Variants in NENF observed in about 807,000 individuals in gnomAD.
NENF encodes neudesin neurotrophic factor, also known as neudesin.
A neutral mutation model predicts 14.8 loss-of-function variants in NENF; 6 were observed. The ratio of observed to expected loss-of-function variants is 0.40; its 90% confidence interval spans 0.22 to 0.80. NENF has a LOEUF of 0.80. Ranked by LOEUF, NENF falls within the 30% of genes least tolerant of loss-of-function variation. NENF has a pLI of 0.34. For missense variants in NENF, 184 were observed against 212.7 expected, an observed-to-expected ratio of 0.87 and a Z score of 0.84; for synonymous variants, 76 against 95.1, an observed-to-expected ratio of 0.80 and a Z score of 1.17.
In NENF at chr1:212,436,307, C is replaced by CTTTT. The variant is rs71573839; in HGVS notation, c.177+3205_177+3208dup. Among the ~76,000 whole-genome samples, 66 of 112,632 alleles carry CTTTT rather than the reference C, an allele frequency of 5.9e-4. No individual in the cohort carries two copies. In the East Asian group the frequency reaches 7.1e-3, roughly 12 times the overall value. 73.9% of individuals were successfully genotyped at this position (112,632 alleles called of 152,430 possible). A position where few individuals can be genotyped will look rare whatever the true frequency, so the allele number is the denominator to read the frequency against. On this transcript the variant is annotated intron_variant, in intron 1 of 3. Transcript: ENST00000366988. Reference sequence around the variant, plus strand: ...GGAGCAGATGCTGTAGCCCATGGGTCTTTTTTTTTTTTTTTTTTTTTGAGA... The same window carrying CTTTT: ...GGAGCAGATGCTGTAGCCCATGGGTCTTTTTTTTTTTTTTTTTTTTTTTTTGAGA...
At chr1:212,439,414 C>T (rs1454978416) in intron 1 of NENF, among the ~76,000 whole-genome samples, 6 of 151,028 alleles carry the variant, frequency 4.0e-5, no homozygotes, top group Admixed American at 2.0e-4. Context: ...TGGTGGCACA[C>T]GTCTGTAATC....
Position 212,446,103 on chromosome 1 carries a change from AC to A in NENF, c.*100del. ...ACTGGCTGCCTGGAGGCCCTGAGCC[AC>A]CCAGATCTGAATAAAACAGATGCTT... On this transcript the variant is annotated 3_prime_UTR_variant, in exon 4 of 4. Coordinates refer to ENST00000366988, the MANE Select transcript of NENF (RefSeq NM_013349.5). 1 of 1,208,488 alleles carries A rather than the reference AC, an allele frequency of 8.3e-7. No individual in the cohort carries two copies. 74.9% of individuals were successfully genotyped at this position (1,208,488 alleles called of 1,614,324 possible). A position where few individuals can be genotyped will look rare whatever the true frequency, so the allele number is the denominator to read the frequency against.
chr1:212,439,842 C>T (rs1051209943), intron 1 of NENF, among the ~76,000 whole-genome samples: 2 of 146,408 alleles, frequency 1.4e-5, no homozygotes, highest in Admixed American at 6.8e-5. Context: ...CCTGGGCAAC[C>T]GAGCTAGACT....
At chr1:212,437,160 A>C (rs1435621478) in intron 1 of NENF, among the ~76,000 whole-genome samples, 1 of 152,208 alleles carries the variant, frequency 6.6e-6, no homozygotes, top group Admixed American at 6.5e-5. Flanking sequence ...ATAAACTCTG[A>C]AACCTAGACA....
At chr1:212,438,966 C>T (rs576003625) in intron 1 of NENF, among the ~76,000 whole-genome samples, 21 of 152,194 alleles carry the variant, frequency 1.4e-4, no homozygotes, top group African/African-American at 4.6e-4. Context: ...CACCCACCCT[C>T]CACCTTCTCA....
rs1426775385 is a variant in NENF, at chr1:212,433,056, C to A, written c.113C>A (p.Ala38Asp). ...TARAGQTPRPAERGPPVRLFT... is the reference protein window; with the variant it reads ...TARAGQTPRPDERGPPVRLFT... ...CGGGCCGGGCAGACACCGCGCCCTG[C>A]CGAGCGGGGGCCCCCAGTGCGGCTT... The change falls in exon 1 of 4, where the codon GCC (alanine) becomes GAC (aspartate). Residue 38 changes from alanine to aspartate, a missense_variant. Transcript: ENST00000366988. The surrounding 1 kb of genome is among the most constrained non-coding windows in gnomAD (Gnocchi z 5.5). 2.9e-5 allele frequency: 34 copies of A among 1,191,842 alleles called. No individual in the cohort carries two copies. In the South Asian group the frequency reaches 1.1e-3, roughly 38 times the overall value. 73.8% of individuals were successfully genotyped at this position (1,191,842 alleles called of 1,614,324 possible). A position where few individuals can be genotyped will look rare whatever the true frequency, so the allele number is the denominator to read the frequency against.
chr1:212,433,181 G>A lies in NENF; in HGVS notation c.177+61G>A, dbSNP rs1662547721. Reference sequence around the variant, plus strand: ...TGGCGTCCGATCTGCGGCGAGCCGAGCGGGGACCCAGGAGGCGCCGGCGGC... The same window carrying A: ...TGGCGTCCGATCTGCGGCGAGCCGAACGGGGACCCAGGAGGCGCCGGCGGC... On this transcript the variant is annotated intron_variant, in intron 1 of 3. Transcript: ENST00000366988. This position sits in a 1 kb window ranked among gnomAD's most constrained non-coding sequence, Gnocchi z 5.5. 2.8e-6 allele frequency: 3 copies of A among 1,080,178 alleles called. No individual in the cohort carries two copies. Among genetic ancestry groups the A allele is most frequent in the Non-Finnish European group, 3.4e-6 (3 of 872,476 alleles). 66.9% of individuals were successfully genotyped at this position (1,080,178 alleles called of 1,614,324 possible). A position where few individuals can be genotyped will look rare whatever the true frequency, so the allele number is the denominator to read the frequency against.
Position 212,446,181 on chromosome 1 carries a change from C to T in NENF, c.*175C>T, listed in dbSNP as rs113728488. On this transcript the variant is annotated 3_prime_UTR_variant, in exon 4 of 4. Transcript: ENST00000366988. ...TGTCCTTGGTCAGGGGTTCTGTCTACCTGGGGACCCCTGTCTGCACACCAG... is the reference window on the plus strand; with the variant it reads ...TGTCCTTGGTCAGGGGTTCTGTCTATCTGGGGACCCCTGTCTGCACACCAG... The T allele has an allele frequency of 1.5e-3, 943 of 620,020 alleles. 9 individuals are homozygous for T. In the African/African-American group the frequency reaches 0.016, roughly 10 times the overall value. 38.4% of individuals were successfully genotyped at this position (620,020 alleles called of 1,614,324 possible). A position where few individuals can be genotyped will look rare whatever the true frequency, so the allele number is the denominator to read the frequency against.
intron 2 of NENF, among the ~76,000 whole-genome samples, chr1:212,443,478 C>T (rs780736408): frequency 6.6e-6 from 1 of 152,046 alleles, no homozygotes; most frequent in African/African-American, 2.4e-5. Context: ...CGACCTTCTC[C>T]AGCTGCCAGG....
At chr1:212,437,882 G>T (rs949665698) in intron 1 of NENF, among the ~76,000 whole-genome samples, 3 of 152,182 alleles carry the variant, frequency 2.0e-5, no homozygotes, top group African/African-American at 7.2e-5. Context: ...GGCGGGGTGT[G>T]GTGGCTCACA....
intron 1 of NENF, among the ~76,000 whole-genome samples, chr1:212,438,596 GT>G (rs1662645080): frequency 6.7e-6 from 1 of 148,356 alleles, no homozygotes; most frequent in South Asian, 2.2e-4. Flanking sequence ...ATTTTGTTTT[GT>G]TTTGCGTGTG....
chr1:212,441,831 T>C (rs984224539), intron 1 of NENF, among the ~76,000 whole-genome samples: 4 of 152,110 alleles, frequency 2.6e-5, no homozygotes, highest in Non-Finnish European at 5.9e-5. Context: ...ATGACAGTCA[T>C]TTTGGTGGAA....
intron 1 of NENF, among the ~76,000 whole-genome samples, chr1:212,438,902 G>T (rs1662650888): frequency 1.3e-5 from 2 of 152,054 alleles, no homozygotes; most frequent in South Asian, 4.2e-4. Context: ...ACCATGCCTG[G>T]CTGTTTCTGT....
At chr1:212,440,517 A>G (rs1315269974) in intron 1 of NENF, among the ~76,000 whole-genome samples, 1 of 152,134 alleles carries the variant, frequency 6.6e-6, no homozygotes, top group Non-Finnish European at 1.5e-5. Flanking sequence ...GAGGTGGAGC[A>G]AGTGTCCACA....
rs1018412450 is a variant in NENF at position 212,432,994 on chromosome 1, CCTGGTCCTG to C, written c.52_60del (p.Leu18_Leu20del). 16 of 1,135,208 alleles carry C rather than the reference CCTGGTCCTG, an allele frequency of 1.4e-5. No homozygotes were observed. The highest frequency in any genetic ancestry group is 1.6e-5 in the Non-Finnish European group (15 of 921,406). The allele number at this position is 1,135,208 out of a possible 1,614,324, so 70.3% of individuals were successfully genotyped here. A position where few individuals can be genotyped will look rare whatever the true frequency, so the allele number is the denominator to read the frequency against. On this transcript the variant is annotated inframe_deletion, in exon 1 of 4. Transcript: ENST00000366988. ...GGCTGCGGCCGCTGGCAGCGCTGGC[CCTGGTCCTG>C]GCGCTGGCCCCGGGGCTGCCCACAG... is the stretch of plus-strand genomic sequence containing the variant.
intron 1 of NENF, chr1:212,434,617 C>T (rs1027096689): frequency 4.6e-5 from 7 of 152,064 alleles, no homozygotes; most frequent in African/African-American, 1.4e-4. Context: ...GAAACCTGCA[C>T]ATAGATTCCC....
chr1:212,436,830 C>T (rs1026452221), intron 1 of NENF, among the ~76,000 whole-genome samples: 7 of 151,700 alleles, frequency 4.6e-5, no homozygotes, highest in Non-Finnish European at 1.0e-4. Flanking sequence ...CACCTGTAAT[C>T]CCAGCACTCA....
intron 1 of NENF, among the ~76,000 whole-genome samples, chr1:212,439,840 A>G (rs957564598): frequency 5.9e-5 from 9 of 151,894 alleles, no homozygotes; most frequent in African/African-American, 2.2e-4. Flanking sequence ...AGCCTGGGCA[A>G]CCGAGCTAGA....
Position 212,433,219 on chromosome 1 carries a change from G to T in NENF, c.177+99G>T. ...AGGCGCCGGCGGCCCAGGAAGCTCTGGGGGACGCGCGGCCCGCGGCGGGCG... is the reference window on the plus strand; with the variant it reads ...AGGCGCCGGCGGCCCAGGAAGCTCTTGGGGACGCGCGGCCCGCGGCGGGCG... On this transcript the variant is annotated intron_variant, in intron 1 of 3. Transcript: ENST00000366988. This position sits in a 1 kb window ranked among gnomAD's most constrained non-coding sequence, Gnocchi z 5.5. 1 of 783,934 alleles carries T rather than the reference G, an allele frequency of 1.3e-6. No individual in the cohort carries two copies. Among genetic ancestry groups the T allele is most frequent in the Non-Finnish European group, 1.6e-6 (1 of 610,586 alleles). The allele number at this position is 783,934 out of a possible 1,614,324, so 48.6% of individuals were successfully genotyped here.
Sources: gnomAD v4.1 joint callset for allele counts (sites outside exome capture counted in the v4.1 genomes callset) on GRCh38, gnomAD v4.1.1 for gene constraint, Gnocchi (gnomAD v3.1) non-coding constraint, MANE v1.5 for transcripts, NCBI Gene and HGNC (gene_info 2026-07-23, HGNC 2026-07-21) for gene names.